The following ZNF26 variants were observed in gnomAD, a reference collection of about 807,000 sequenced individuals.
The protein encoded by ZNF26 is epididymis luminal protein 179.
ZNF26 carries 32 observed loss-of-function variants against 54.9 expected under a neutral mutation model. The ratio of observed to expected loss-of-function variants is 0.58; its 90% CI spans 0.44 to 0.78. ZNF26 has a LOEUF of 0.78. ZNF26 is among the 30% of genes least tolerant of loss of function. The pLI is 0.00. For synonymous variants in ZNF26, 221 were observed against 209.2 expected (o/e 1.06, Z -0.49); for missense variants, 524 against 634.0 (o/e 0.83, Z 1.86).
In ZNF26 at chr12:133,010,169, A is replaced by G. The variant is rs1953437102; in HGVS notation, c.290A>G (p.Asp97Gly). The G allele has an allele frequency of 6.2e-7, 1 of 1,602,620 alleles. No individual in the cohort carries two copies. Among genetic ancestry groups the G allele is most frequent in the Non-Finnish European group, 8.5e-7 (1 of 1,177,270 alleles). The change falls in exon 4 of 4, where the codon GAT becomes GGT. Residue 97 changes from aspartate to glycine, a missense_variant. Physicochemically the swap from Asp to Gly is moderately conservative, Grantham distance 94. Coordinates refer to ENST00000328654, the MANE Select transcript of ZNF26 (RefSeq NM_019591.4). ...GWEEWYQNNQ[D>G]ELESIERSYA... is the part of the protein sequence containing the mutation. ...GAAGAATGGTACCAGAACAATCAAGATGAGCTTGAGAGTATTGAAAGAAGC... is the reference window on the plus strand; with the variant it reads ...GAAGAATGGTACCAGAACAATCAAGGTGAGCTTGAGAGTATTGAAAGAAGC...
intron 1 of ZNF26, among the ~76,000 whole-genome samples, chr12:133,002,915 T>C (rs1318625023): frequency 1.3e-5 from 2 of 151,990 alleles, no homozygotes; most frequent in African/African-American, 4.8e-5. Context: ...TGAATCACCA[T>C]GCCCAGCCTG....
rs973771612 is a variant in ZNF26, at chr12:133,018,867, A to G, written c.*7386A>G. The G allele has an allele frequency of 3.3e-5, 5 of 152,166 alleles. No individual in the cohort carries two copies. Among genetic ancestry groups the G allele is most frequent in the Non-Finnish European group, 5.9e-5 (4 of 68,024 alleles). 9.4% of individuals were successfully genotyped at this position (152,166 alleles called of 1,614,324 possible). ...TCTGGTCTCTCGAAGCATCAAGATT[A>G]TAGGCATGAGCCAGCGCACCTGGCC... is the stretch of plus-strand genomic sequence containing the variant. On this transcript the variant is annotated 3_prime_UTR_variant, in exon 4 of 4. Transcript: ENST00000328654.
chr12:133,006,756 A>ACGCCTG, intron 1 of ZNF26: 2 of 289,166 alleles, frequency 6.9e-6, no homozygotes, highest in Non-Finnish European at 6.7e-6. Flanking sequence ...CACTGCGCCC[A>ACGCCTG]GCTAATTTTT....
chr12:132,997,631 C>G (rs1953116420), intron 1 of ZNF26, among the ~76,000 whole-genome samples: 2 of 152,196 alleles, frequency 1.3e-5, no homozygotes, highest in African/African-American at 4.8e-5. Flanking sequence ...CAGTGGAAAA[C>G]AGATTAGGCC....
rs1054837240 is a variant in ZNF26 at position 133,016,133 on chromosome 12, C to G, written c.*4652C>G. Reference sequence around the variant, plus strand: ...TGTCACCCATGCTGGAGTGCAGTGGCGTGATCTCGGCTCACTGCAACTTCC... The same window carrying G: ...TGTCACCCATGCTGGAGTGCAGTGGGGTGATCTCGGCTCACTGCAACTTCC... On this transcript the variant is annotated 3_prime_UTR_variant, in exon 4 of 4. Coordinates refer to ENST00000328654, the MANE Select transcript of ZNF26 (RefSeq NM_019591.4). The G allele has an allele frequency of 1.4e-5, 2 of 143,212 alleles. No homozygotes were observed. The highest frequency in any genetic ancestry group is 5.2e-5 in the African/African-American group (2 of 38,098). 8.9% of individuals were successfully genotyped at this position (143,212 alleles called of 1,614,324 possible). A position where few individuals can be genotyped will look rare whatever the true frequency, so the allele number is the denominator to read the frequency against.
At position 133,019,392 on chromosome 12, in the gene ZNF26, T is replaced by C. The variant is rs1199639567; in HGVS notation, c.*7911T>C. 1 of 152,074 alleles carries C rather than the reference T, an allele frequency of 6.6e-6. No individual in the cohort carries two copies. Among genetic ancestry groups the C allele is most frequent in the African/African-American group, 2.4e-5 (1 of 41,390 alleles). The allele number at this position is 152,074 out of a possible 1,614,324, so 9.4% of individuals were successfully genotyped here. A position where few individuals can be genotyped will look rare whatever the true frequency, so the allele number is the denominator to read the frequency against. Reference sequence around the variant, plus strand: ...AAACCCCAAACTCCAGATATTCCAATTATAAAGTAGGCAAAAGATCCAAAC... The same window carrying C: ...AAACCCCAAACTCCAGATATTCCAACTATAAAGTAGGCAAAAGATCCAAAC... On this transcript the variant is annotated 3_prime_UTR_variant, in exon 4 of 4. Coordinates refer to ENST00000328654, the MANE Select transcript of ZNF26 (RefSeq NM_019591.4).
At chr12:133,008,592 T>C (rs1209298420) in intron 3 of ZNF26, among the ~76,000 whole-genome samples, 3 of 150,724 alleles carry the variant, frequency 2.0e-5, no homozygotes, top group Non-Finnish European at 4.4e-5. Flanking sequence ...CTGACTAACA[T>C]GGTGAAACCC....
In ZNF26 at chr12:133,011,492, T is replaced by C. The variant is rs1953471954; in HGVS notation, c.*11T>C. The C allele has an allele frequency of 6.6e-7, 1 of 1,524,672 alleles. No homozygotes were observed. The highest frequency in any genetic ancestry group is 2.2e-5 in the Admixed American group (1 of 44,722). The allele number at this position is 1,524,672 out of a possible 1,614,324, so 94.4% of individuals were successfully genotyped here. A position where few individuals can be genotyped will look rare whatever the true frequency, so the allele number is the denominator to read the frequency against. On this transcript the variant is annotated 3_prime_UTR_variant, in exon 4 of 4. Coordinates refer to ENST00000328654, the MANE Select transcript of ZNF26 (RefSeq NM_019591.4). ...AAGACTCATAAATGAGAAATCAGAA[T>C]GATGCAATGTGAGAAACTGATGTTC... is the stretch of plus-strand genomic sequence containing the variant.
chr12:132,991,237 C>G lies in ZNF26; in HGVS notation c.33+4364C>G, dbSNP rs1285812474. ...GCATGGCTGGGCGTGGTGGCTCAGG[C>G]CTGTAATCCCAGCACTTTGGGAGGC... On this transcript the variant is annotated intron_variant, in intron 1 of 3. Coordinates refer to ENST00000328654, the MANE Select transcript of ZNF26 (RefSeq NM_019591.4). Among the ~76,000 whole-genome samples, 6 of 151,748 alleles carry G rather than the reference C, an allele frequency of 4.0e-5. No homozygotes were observed. The East Asian group carries it at 1.2e-3, about 30-fold the overall frequency.
At chr12:132,996,106 G>T (rs933953450) in intron 1 of ZNF26, among the ~76,000 whole-genome samples, 27 of 152,206 alleles carry the variant, frequency 1.8e-4, no homozygotes, top group African/African-American at 6.3e-4. Flanking sequence ...TTTATTGCAG[G>T]CTCCTCTCTA....
intron 1 of ZNF26, among the ~76,000 whole-genome samples, chr12:133,000,604 T>A (rs1390879386): frequency 1.3e-5 from 2 of 152,066 alleles, no homozygotes; most frequent in Non-Finnish European, 2.9e-5. Flanking sequence ...TTTTGTATTT[T>A]CTGTAGAGAC....
chr12:133,009,890 C>T (rs1383057258), intron 3 of ZNF26, among the ~76,000 whole-genome samples: 1 of 152,060 alleles, frequency 6.6e-6, no homozygotes, highest in Non-Finnish European at 1.5e-5. Context: ...CAATTTTAAA[C>T]CTCTATTTTA....
Position 133,001,810 on chromosome 12 carries a change from C to T in ZNF26, c.34-5232C>T, listed in dbSNP as rs1414758013. 8 of 776,140 alleles carry T rather than the reference C, an allele frequency of 1.0e-5. No homozygotes were observed. The highest frequency in any genetic ancestry group is 2.9e-5 in the South Asian group (2 of 68,530). 48.1% of individuals were successfully genotyped at this position (776,140 alleles called of 1,614,324 possible). ...CCCCAGCTGCCTTTTGAGAGTCCCGCGGCAGTCTTTGCCTTCAGAATTTTT... is the reference window on the plus strand; with the variant it reads ...CCCCAGCTGCCTTTTGAGAGTCCCGTGGCAGTCTTTGCCTTCAGAATTTTT... On this transcript the variant is annotated intron_variant, in intron 1 of 3. Transcript: ENST00000328654. The surrounding 1 kb of genome is among the most constrained non-coding windows in gnomAD (Gnocchi z 4.7).
intron 3 of ZNF26, 22 bp from the exon 4 acceptor site, chr12:133,010,114 T>C: frequency 6.4e-7 from 1 of 1,571,518 alleles, no homozygotes; most frequent in Non-Finnish European, 8.6e-7. Context: ...CAAAAAGTTA[T>C]ATTTTGTTTG....
At position 133,001,732 on chromosome 12, in the gene ZNF26, G is replaced by A; in HGVS notation, c.34-5310G>A. ...CCAGGGAAACAGTGCCCTGCCTGAG[G>A]TGAGCCGCAGGGAGGCGGGGCCCTG... On this transcript the variant is annotated intron_variant, in intron 1 of 3. Transcript: ENST00000328654. The surrounding 1 kb of genome is among the most constrained non-coding windows in gnomAD (Gnocchi z 4.7). The A allele has an allele frequency of 7.8e-7, 1 of 1,288,678 alleles. No individual in the cohort carries two copies. Among genetic ancestry groups the A allele is most frequent in the Non-Finnish European group, 1.0e-6 (1 of 988,352 alleles). The allele number at this position is 1,288,678 out of a possible 1,614,324, so 79.8% of individuals were successfully genotyped here.
chr12:132,988,483 C>T (rs1443593199), intron 1 of ZNF26, among the ~76,000 whole-genome samples: 1 of 152,042 alleles, frequency 6.6e-6, no homozygotes. Context: ...GCCTCAAGCA[C>T]TTCTTCCTCC....
In ZNF26 at chr12:133,015,468, T is replaced by C. The variant is rs1953554974; in HGVS notation, c.*3987T>C. The C allele has an allele frequency of 6.6e-6, 1 of 151,372 alleles. No homozygotes were observed. The highest frequency in any genetic ancestry group is 1.5e-5 in the Non-Finnish European group (1 of 67,942). 9.4% of individuals were successfully genotyped at this position (151,372 alleles called of 1,614,324 possible). On this transcript the variant is annotated 3_prime_UTR_variant, in exon 4 of 4. Transcript: ENST00000328654. ...CTTGCATCGGCCTCAATTATCAACT[T>C]GTGGCAAAAGAATAAGAAAGAGAAC...
intron 1 of ZNF26, among the ~76,000 whole-genome samples, chr12:132,993,708 G>A (rs1593638613): frequency 6.6e-6 from 1 of 151,576 alleles, no homozygotes; most frequent in African/African-American, 2.4e-5. Flanking sequence ...TACCCCCCTC[G>A]GCCTCCCAGA....
intron 1 of ZNF26, among the ~76,000 whole-genome samples, chr12:132,993,347 G>A (rs1953004732): frequency 6.6e-6 from 1 of 151,640 alleles, no homozygotes; most frequent in Non-Finnish European, 1.5e-5. Flanking sequence ...CTTACATGCT[G>A]CCTACTTTAT....
Sources: allele counts gnomAD v4.1 joint callset (sites outside exome capture counted in the v4.1 genomes callset), GRCh38; gene constraint gnomAD v4.1.1; non-coding constraint Gnocchi (gnomAD v3.1); transcripts MANE v1.5; gene names NCBI Gene and HGNC (gene_info 2026-07-23, HGNC 2026-07-21).